PLXNA4: variants seen among roughly 807,000 people sequenced by gnomAD.
The protein encoded by PLXNA4 is plexin-A4.
PLXNA4 carries 44 observed loss-of-function variants against 191.8 expected under a neutral mutation model. That is an observed-to-expected ratio of 0.23 (90% CI 0.18 to 0.29). The LOEUF (loss-of-function observed/expected upper bound fraction) is 0.29. Among genes scored for constraint, PLXNA4 ranks in the 10% least tolerant of loss-of-function variants. The pLI is 1.00. For missense variants in PLXNA4, 1,800 were observed against 2,488.8 expected (o/e 0.72, Z 5.89); for synonymous variants, 1,082 against 1,009.5 (o/e 1.07, Z -1.36).
chr7:132,406,217 A>G (rs6954566), intron 3 of PLXNA4, among the ~76,000 whole-genome samples: 5,116 of 152,326 alleles, frequency 0.034, 287 homozygotes, highest in East Asian at 0.27. Context: ...CAGCCCAGAC[A>G]GAAGTTGGCT....
intron 9 of PLXNA4, among the ~76,000 whole-genome samples, chr7:132,221,584 A>G (rs1039221479): frequency 6.6e-6 from 1 of 152,210 alleles, no homozygotes; most frequent in African/African-American, 2.4e-5. Context: ...GCCTTTTATC[A>G]AGGACATGCC....
Position 132,302,273 on chromosome 7 carries a change from A to G in PLXNA4, c.1372-4051T>C, listed in dbSNP as rs184663229. Among the ~76,000 whole-genome samples, 294 of 152,242 alleles carry G rather than the reference A, an allele frequency of 1.9e-3. 4 individuals carry two copies. Among genetic ancestry groups the G allele is most frequent in the African/African-American group, 6.8e-3 (281 of 41,544 alleles). On this transcript the variant is annotated intron_variant, in intron 3 of 31. Coordinates refer to ENST00000321063, the MANE Select transcript of PLXNA4 (RefSeq NM_020911.2). ...ATTCTAAACTCTTTGGGACAGCAAG[A>G]AGGCCAATAACAAAGGTGAACTACA...
chr7:132,290,067 G>A (rs573281399), intron 4 of PLXNA4, among the ~76,000 whole-genome samples: 16 of 152,302 alleles, frequency 1.1e-4, no homozygotes, highest in East Asian at 9.7e-4. Context: ...ACAGGCGTCC[G>A]CATCCTGCTT....
rs565328814 is a variant in PLXNA4, at chr7:132,586,764, T to TA, written c.-87+59163dup. Among the ~76,000 whole-genome samples, 170 of 151,240 alleles carry TA rather than the reference T, an allele frequency of 1.1e-3. 1 individual carries two copies. The highest frequency in any genetic ancestry group is 1.7e-3 in the East Asian group (9 of 5,148). On this transcript the variant is annotated intron_variant, in intron 2 of 4. Coordinates refer to the PLXNA4 transcript ENST00000378539. ...TGAGACTCCATCTCTAACAAACAAATAAAAAAAATTAATTAGCTGGGTGTG... is the reference window on the plus strand; with the variant it reads ...TGAGACTCCATCTCTAACAAACAAATAAAAAAAAATTAATTAGCTGGGTGTG...
intron 1 of PLXNA4, among the ~76,000 whole-genome samples, chr7:132,552,843 GATGCTAGT>G (rs1233418881): frequency 4.6e-5 from 7 of 152,236 alleles, no homozygotes; most frequent in Admixed American, 3.3e-4. Flanking sequence ...CCAGCTCAGT[GATGCTAGT>G]TGAAGTAGAA....
chr7:132,612,699 T>G (rs539842628), intron 2 of PLXNA4, among the ~76,000 whole-genome samples: 62 of 147,834 alleles, frequency 4.2e-4, no homozygotes, highest in African/African-American at 1.4e-3. Context: ...TCATCCTGAC[T>G]CTTTCTCCCT....
intron 21 of PLXNA4, among the ~76,000 whole-genome samples, chr7:132,173,762 C>A (rs1252350789): frequency 6.6e-6 from 1 of 152,204 alleles, no homozygotes; most frequent in Admixed American, 6.5e-5. Flanking sequence ...CAATGTAAAT[C>A]TTGGAATTAA....
At chr7:132,598,683 G>T (rs1037062881) in intron 2 of PLXNA4, among the ~76,000 whole-genome samples, 1 of 150,278 alleles carries the variant, frequency 6.7e-6, no homozygotes, top group Admixed American at 6.6e-5. Flanking sequence ...AAATAACAGT[G>T]CTCTGTCAGT....
intron 9 of PLXNA4, among the ~76,000 whole-genome samples, chr7:132,222,532 C>A (rs981612856): frequency 4.6e-5 from 7 of 152,056 alleles, no homozygotes; most frequent in Admixed American, 1.3e-4. Flanking sequence ...TCTCTCACAG[C>A]TGTGGGGCTG....
At position 132,228,431 on chromosome 7, in the gene PLXNA4, G is replaced by A. The variant is rs1304470590; in HGVS notation, c.1643C>T (p.Pro548Leu). 1 of 1,614,126 alleles carries A rather than the reference G, an allele frequency of 6.2e-7. No homozygotes were observed. ...RKERCERSKE[P>L]RRFASEMKQC... The stretch of plus-strand genomic sequence containing the variant: ...CTTCATCTCCGAGGCAAACCTGCGG[G>A]GCTCCTTGGACCGCTCACACCGCTC... Residue 548 changes from proline (P) to leucine (L), a missense_variant, in exon 6 of 32, where the codon CCC becomes CTC. Physicochemically the swap from Pro to Leu is moderately conservative, Grantham distance 98 (BLOSUM62 -3). This residue lies in a region of PLXNA4 where 1,397 missense variants were observed against 1,880.4 expected (regional missense o/e 0.74). Transcript: ENST00000321063.
intron 4 of PLXNA4, among the ~76,000 whole-genome samples, chr7:132,257,880 C>T (rs1799487876): frequency 1.3e-5 from 2 of 152,222 alleles, no homozygotes; most frequent in South Asian, 2.1e-4. Context: ...TTGGAAGGGT[C>T]CCTCTCAGCT....
At chr7:132,140,870 G>A in intron 29 of PLXNA4, 59 bp from the exon 30 acceptor site, 1 of 1,589,756 alleles carries the variant, frequency 6.3e-7, no homozygotes, top group African/African-American at 1.4e-5. Context: ...CTGTGGTGTG[G>A]GTAGGAGGGG....
Position 132,144,856 on chromosome 7 carries a change from A to G in PLXNA4, c.5225+263T>C, listed in dbSNP as rs112846842. Among the ~76,000 whole-genome samples, 7 of 152,322 alleles carry G rather than the reference A, an allele frequency of 4.6e-5. 1 individual carries two copies. Among genetic ancestry groups the G allele is most frequent in the African/African-American group, 1.4e-4 (6 of 41,576 alleles). ...TTTTCTTGCTTCTTCAGCTGGTTCA[A>G]TAAATGTTTGTTAACTGACTAAGTG... is the stretch of plus-strand genomic sequence containing the variant. On this transcript the variant is annotated intron_variant, in intron 29 of 31. Coordinates refer to ENST00000321063, the MANE Select transcript of PLXNA4 (RefSeq NM_020911.2).
rs73723750 is a variant in PLXNA4, at chr7:132,224,965, A to G, written c.1982+1196T>C. 9.0e-3 allele frequency among the ~76,000 whole-genome samples: 1,374 copies of G among 152,320 alleles called. 25 individuals are homozygous for G. Among genetic ancestry groups the G allele is most frequent in the African/African-American group, 0.031 (1,293 of 41,570 alleles). On this transcript the variant is annotated intron_variant, in intron 8 of 31. Transcript: ENST00000321063. ...GCAGGGTTTTTTGAGGTCAGGTCCC[A>G]CGGTTTGCTCTGTGGAACTCTGGGG...
chr7:132,182,293 A>G, intron 16 of PLXNA4, 103 bp from the exon 17 acceptor site: 8 of 1,515,364 alleles, frequency 5.3e-6, no homozygotes, highest in Non-Finnish European at 7.1e-6. Flanking sequence ...AGTGATAACT[A>G]GGCAGCAGGG....
chr7:132,174,675 C>T (rs1337907634), intron 21 of PLXNA4, 103 bp downstream of exon 21: 1 of 1,526,876 alleles, frequency 6.5e-7, no homozygotes, highest in Admixed American at 1.8e-5. Context: ...AGTTGTGTCC[C>T]CTCCCTGGCC....
intron 3 of PLXNA4, among the ~76,000 whole-genome samples, chr7:132,311,201 T>TGTGTGTGTGTGTGTGC (rs1327681030): frequency 2.2e-5 from 3 of 133,424 alleles, no homozygotes; most frequent in African/African-American, 8.1e-5. Flanking sequence ...TGTGCGCGTG[T>TGTGTGTGTGTGTGTGC]GGCCTAAAGG....
At chr7:132,261,271 T>C (rs1041282170) in intron 4 of PLXNA4, among the ~76,000 whole-genome samples, 11 of 152,162 alleles carry the variant, frequency 7.2e-5, no homozygotes, top group Non-Finnish European at 1.2e-4. Flanking sequence ...TGCAGAGTCC[T>C]GCGGCTGCGA....
At chr7:132,433,352 C>T (rs1394733758) in intron 3 of PLXNA4, among the ~76,000 whole-genome samples, 1 of 152,172 alleles carries the variant, frequency 6.6e-6, no homozygotes, top group Non-Finnish European at 1.5e-5. Context: ...AAGCCTTCTA[C>T]CCTACATACC....
Sources: gnomAD v4.1 joint callset for allele counts (sites outside exome capture counted in the v4.1 genomes callset) on GRCh38, gnomAD v4.1.1 for gene constraint, gnomAD v4.1.1 regional missense constraint, MANE v1.5 for transcripts, NCBI Gene and HGNC (gene_info 2026-07-23, HGNC 2026-07-21) for gene names.